The following ARK2C variants were observed in gnomAD, a reference collection of about 807,000 sequenced individuals.
ARK2C encodes E3 ubiquitin-protein ligase ARK2C.
chr18:46,394,030 C>T, the ARK2C span, among the ~76,000 whole-genome samples: 1 of 152,234 alleles, frequency 6.6e-6, no homozygotes, highest in Non-Finnish European at 1.5e-5. Context: ...CCTTAGGTAA[C>T]CCCAACCTTC....
the ARK2C span, among the ~76,000 whole-genome samples, chr18:46,367,916 A>G: frequency 6.6e-6 from 1 of 152,200 alleles, no homozygotes; most frequent in Non-Finnish European, 1.5e-5. Flanking sequence ...ACTTTCCTCC[A>G]TGATTCTGAT....
the ARK2C span, among the ~76,000 whole-genome samples, chr18:46,427,759 C>T: frequency 6.6e-6 from 1 of 152,244 alleles, no homozygotes; most frequent in Non-Finnish European, 1.5e-5. Flanking sequence ...ACAGCAAAGA[C>T]ACGAAGCCCA....
At chr18:46,463,094 T>G in the ARK2C span, 10 of 152,258 alleles carry the variant, frequency 6.6e-5, no homozygotes, top group African/African-American at 1.4e-4. Context: ...GTGGATTTTT[T>G]GTACTTTATT....
the ARK2C span, chr18:46,456,658 AC>A: frequency 6.5e-7 from 1 of 1,535,628 alleles, no homozygotes; most frequent in Non-Finnish European, 9.0e-7. Flanking sequence ...GCCAGTGGAC[AC>A]CCCATTTCCT....
chr18:46,390,112 A>T, the ARK2C span, among the ~76,000 whole-genome samples: 3 of 152,254 alleles, frequency 2.0e-5, no homozygotes, highest in East Asian at 5.8e-4. Context: ...GCCTTCTGCA[A>T]ATATGCTCCT....
At chr18:46,403,725 A>T in the ARK2C span, among the ~76,000 whole-genome samples, 1 of 152,130 alleles carries the variant, frequency 6.6e-6, no homozygotes, top group Non-Finnish European at 1.5e-5. Flanking sequence ...TAAAAATATA[A>T]GAATTAGCCA....
chr18:46,396,323 C>A, the ARK2C span, among the ~76,000 whole-genome samples: 2 of 152,182 alleles, frequency 1.3e-5, no homozygotes, highest in Non-Finnish European at 2.9e-5. Flanking sequence ...TAGTGCTCAT[C>A]TGGTCTTCTG....
chr18:46,334,269 G>T, the ARK2C span: 5 of 1,527,234 alleles, frequency 3.3e-6, no homozygotes, highest in Non-Finnish European at 2.6e-6. This position sits in a 1 kb window ranked among gnomAD's most constrained non-coding sequence, Gnocchi z 4.4. Flanking sequence ...CGCGCGAGGA[G>T]CCAGGATGGT....
the ARK2C span, among the ~76,000 whole-genome samples, chr18:46,366,434 C>G: frequency 2.6e-5 from 4 of 152,156 alleles, no homozygotes; most frequent in African/African-American, 9.7e-5. Context: ...CCAGCCCAGC[C>G]CCTGCAGAGG....
the ARK2C span, among the ~76,000 whole-genome samples, chr18:46,371,225 C>A: frequency 6.6e-6 from 1 of 152,150 alleles, no homozygotes; most frequent in South Asian, 2.1e-4. Context: ...GCCCTTGACA[C>A]GTGAGGATTA....
the ARK2C span, chr18:46,458,114 T>G: frequency 6.6e-6 from 1 of 152,498 alleles, no homozygotes; most frequent in Middle Eastern, 3.4e-3. Flanking sequence ...TTGTGAGGAT[T>G]CATATTCTCT....
the ARK2C span, among the ~76,000 whole-genome samples, chr18:46,437,732 A>G: frequency 1.3e-5 from 2 of 152,164 alleles, no homozygotes; most frequent in African/African-American, 2.4e-5. Context: ...CCTGACCTTA[A>G]GCCGCAACCC....
At chr18:46,413,530 G>T in the ARK2C span, among the ~76,000 whole-genome samples, 1 of 152,128 alleles carries the variant, frequency 6.6e-6, no homozygotes, top group Non-Finnish European at 1.5e-5. Context: ...CTACGGGATA[G>T]CAAGTTGTTT....
At chr18:46,375,188 C>T in the ARK2C span, among the ~76,000 whole-genome samples, 5 of 152,328 alleles carry the variant, frequency 3.3e-5, no homozygotes, top group South Asian at 6.2e-4. Context: ...CCGCCCTGGC[C>T]GCATTCTTTT....
chr18:46,359,223 G>A, the ARK2C span, among the ~76,000 whole-genome samples: 1 of 152,236 alleles, frequency 6.6e-6, no homozygotes, highest in Non-Finnish European at 1.5e-5. Context: ...AGGGGTTCAG[G>A]GTGGGCCAGG....
chr18:46,354,959 A>G, the ARK2C span, among the ~76,000 whole-genome samples: 1 of 151,942 alleles, frequency 6.6e-6, no homozygotes, highest in African/African-American at 2.4e-5. Flanking sequence ...TAATATATAC[A>G]TATTTTTTGA....
chr18:46,334,379 C>T, the ARK2C span: 1 of 1,549,798 alleles, frequency 6.5e-7, no homozygotes, highest in Non-Finnish European at 8.7e-7. The surrounding 1 kb of genome is among the most constrained non-coding windows in gnomAD (Gnocchi z 4.4). Flanking sequence ...GCGTGGATCG[C>T]CGCAGGCACC....
At chr18:46,356,838 AAG>A in the ARK2C span, among the ~76,000 whole-genome samples, 1 of 152,224 alleles carries the variant, frequency 6.6e-6, no homozygotes, top group African/African-American at 2.4e-5. Context: ...GGCATGGTGC[AAG>A]AGACAGAGGC....
the ARK2C span, among the ~76,000 whole-genome samples, chr18:46,394,124 T>C: frequency 6.6e-6 from 1 of 152,174 alleles, no homozygotes; most frequent in East Asian, 1.9e-4. Flanking sequence ...GCCTTTTCAC[T>C]TGGATGCAAG....
Sources: gnomAD v4.1 joint callset for allele counts (sites outside exome capture counted in the v4.1 genomes callset) on GRCh38, gnomAD v4.1.1 for gene constraint, Gnocchi (gnomAD v3.1) non-coding constraint, MANE v1.5 for transcripts, NCBI Gene and HGNC (gene_info 2026-07-23, HGNC 2026-07-21) for gene names.